Variants in TMEM117 observed in about 807,000 individuals in gnomAD.
The protein encoded by TMEM117 is transmembrane protein 117.
A neutral mutation model predicts 52.4 loss-of-function variants in TMEM117; 27 were observed. The ratio of observed to expected loss-of-function variants is 0.51; its 90% CI spans 0.38 to 0.71. The LOEUF (loss-of-function observed/expected upper bound fraction) is 0.71. Among genes scored for constraint, TMEM117 ranks in the 30% least tolerant of loss-of-function variants. The pLI, the probability that TMEM117 is intolerant of heterozygous loss-of-function variation, is 0.00. For synonymous variants in TMEM117, 215 were observed against 206.3 expected, an observed-to-expected ratio of 1.04 and a Z score of -0.36; for missense variants, 556 against 630.5, an observed-to-expected ratio of 0.88 and a Z score of 1.26.
At chr12:44,316,058 A>G (rs1474211859) in intron 6 of TMEM117, among the ~76,000 whole-genome samples, 2 of 152,106 alleles carry the variant, frequency 1.3e-5, no homozygotes, top group Non-Finnish European at 2.9e-5. Context: ...AAGCATTTAG[A>G]CTATTTTCAC....
At chr12:43,935,717 C>A (rs1359065522) in intron 2 of TMEM117, among the ~76,000 whole-genome samples, 2 of 152,198 alleles carry the variant, frequency 1.3e-5, no homozygotes, top group Non-Finnish European at 2.9e-5. Context: ...TTCTCCTTGT[C>A]TGCACTGAAA....
At chr12:43,838,817 T>G (rs914991038) in intron 1 of TMEM117, among the ~76,000 whole-genome samples, 1 of 152,066 alleles carries the variant, frequency 6.6e-6, no homozygotes, top group Non-Finnish European at 1.5e-5. Context: ...GATCATAACC[T>G]CTCTGAATTT....
At chr12:44,173,879 C>G (rs1248422010) in intron 4 of TMEM117, among the ~76,000 whole-genome samples, 1 of 151,600 alleles carries the variant, frequency 6.6e-6, no homozygotes, top group Non-Finnish European at 1.5e-5. Flanking sequence ...ACTTAAATAC[C>G]TTTAATGCTT....
chr12:44,379,438 A>G (rs1329860308), intron 7 of TMEM117, among the ~76,000 whole-genome samples: 1 of 152,132 alleles, frequency 6.6e-6, no homozygotes, highest in Non-Finnish European at 1.5e-5. Flanking sequence ...TTTGTGATAA[A>G]CCCAGTTTGT....
chr12:43,996,979 A>G (rs968703916), intron 3 of TMEM117, among the ~76,000 whole-genome samples: 4 of 152,368 alleles, frequency 2.6e-5, no homozygotes, highest in Admixed American at 2.0e-4. Context: ...AAAATTATCC[A>G]GACAGTGCCT....
At chr12:43,915,789 T>A (rs1944592164) in intron 2 of TMEM117, among the ~76,000 whole-genome samples, 1 of 152,096 alleles carries the variant, frequency 6.6e-6, no homozygotes, top group African/African-American at 2.4e-5. Flanking sequence ...TCCAGTGGTG[T>A]TTACTGAGTG....
chr12:44,026,568 G>A (rs1272542648), intron 3 of TMEM117, among the ~76,000 whole-genome samples: 1 of 151,930 alleles, frequency 6.6e-6, no homozygotes, highest in Non-Finnish European at 1.5e-5. Context: ...CATTTATTAT[G>A]ATTTATAATT....
chr12:44,268,919 T>G (rs1164096056), intron 5 of TMEM117, among the ~76,000 whole-genome samples: 1 of 152,176 alleles, frequency 6.6e-6, no homozygotes, highest in Non-Finnish European at 1.5e-5. Flanking sequence ...AGCCATAATT[T>G]GTGCTTTGTA....
At chr12:44,170,447 T>A (rs1344345903) in intron 4 of TMEM117, among the ~76,000 whole-genome samples, 1 of 151,938 alleles carries the variant, frequency 6.6e-6, no homozygotes, top group East Asian at 1.9e-4. Context: ...GTAAAAAAAT[T>A]TATAATTTTT....
chr12:44,258,870 A>AGCCATTAGCT (rs1592646434), intron 5 of TMEM117, among the ~76,000 whole-genome samples: 1 of 152,188 alleles, frequency 6.6e-6, no homozygotes, highest in East Asian at 1.9e-4. Context: ...GCCATTAGCT[A>AGCCATTAGCT]CATATAGCTA....
chr12:44,096,476 A>G (rs1284076431), intron 3 of TMEM117, among the ~76,000 whole-genome samples: 3 of 152,178 alleles, frequency 2.0e-5, no homozygotes, highest in South Asian at 2.1e-4. Context: ...CTACAGGGCT[A>G]CAGTAACCAA....
chr12:43,824,131 G>A, the TMEM117 span, among the ~76,000 whole-genome samples: 18 of 152,204 alleles, frequency 1.2e-4, no homozygotes, highest in Admixed American at 1.0e-3. Flanking sequence ...TTCATTACTT[G>A]AAGGAGGGGC....
At position 43,933,285 on chromosome 12, in the gene TMEM117, C is replaced by T. The variant is rs148678402; in HGVS notation, c.278-10925C>T. 5.8e-3 allele frequency among the ~76,000 whole-genome samples: 877 copies of T among 151,312 alleles called. 10 individuals are homozygous for T. The highest frequency in any genetic ancestry group is 0.02 in the African/African-American group (834 of 41,226). On this transcript the variant is annotated intron_variant, in intron 2 of 7. Coordinates refer to ENST00000266534, the MANE Select transcript of TMEM117 (RefSeq NM_032256.3). ...CACGATCTCGGCTCACTGCAGGCTC[C>T]GCCCCCCAGGGTTCACGCCATTCTC...
At chr12:44,224,225 C>A (rs7311937) in intron 5 of TMEM117, among the ~76,000 whole-genome samples, 11,076 of 152,046 alleles carry the variant, frequency 0.073, 557 homozygotes, top group Middle Eastern at 0.16. Flanking sequence ...TGATTATAAG[C>A]CTTGATTCAC....
At chr12:43,811,385 A>G in the TMEM117 span, among the ~76,000 whole-genome samples, 1 of 152,208 alleles carries the variant, frequency 6.6e-6, no homozygotes. Flanking sequence ...GATAGTGGAA[A>G]AGAAAGACAA....
At chr12:43,998,491 A>G (rs899524370) in intron 3 of TMEM117, among the ~76,000 whole-genome samples, 1 of 152,190 alleles carries the variant, frequency 6.6e-6, no homozygotes, top group African/African-American at 2.4e-5. Context: ...GACTACTGTT[A>G]TAGTTAGGTT....
chr12:44,062,510 A>G (rs1006999056), intron 3 of TMEM117, among the ~76,000 whole-genome samples: 4 of 152,214 alleles, frequency 2.6e-5, no homozygotes, highest in Admixed American at 2.6e-4. Flanking sequence ...TCCAAATATG[A>G]TTAATTTTCC....
intron 3 of TMEM117, among the ~76,000 whole-genome samples, chr12:44,040,665 A>G (rs2137895036): frequency 6.6e-6 from 1 of 152,334 alleles, no homozygotes; most frequent in Middle Eastern, 3.4e-3. Context: ...ATGAACTTCC[A>G]GTATAATGTT....
intron 1 of TMEM117, among the ~76,000 whole-genome samples, chr12:43,838,323 C>T (rs142152799): frequency 4.0e-5 from 6 of 151,776 alleles, no homozygotes; most frequent in South Asian, 4.2e-4. Context: ...TTTTCATACC[C>T]CTTGTGGGCT....
Sources: allele counts gnomAD v4.1 joint callset (sites outside exome capture counted in the v4.1 genomes callset), GRCh38; gene constraint gnomAD v4.1.1; transcripts MANE v1.5; gene names NCBI Gene and HGNC (gene_info 2026-07-23, HGNC 2026-07-21).